Variants in ZC2HC1A observed in about 807,000 individuals in gnomAD.
The protein encoded by ZC2HC1A is zinc finger C2HC domain-containing protein 1A.
ZC2HC1A carries 28 observed loss-of-function variants against 40.7 expected under a neutral mutation model. The ratio of observed to expected loss-of-function variants is 0.69; its 90% CI spans 0.51 to 0.94. The LOEUF is 0.94. ZC2HC1A is among the 40% of genes least tolerant of loss of function. The pLI is 0.00. For synonymous variants in ZC2HC1A, 129 were observed against 129.2 expected (o/e 1.00, Z 0.01); for missense variants, 389 against 386.3 (o/e 1.01, Z -0.06).
At chr8:78,669,752 T>C (rs902527192) in intron 1 of ZC2HC1A, among the ~76,000 whole-genome samples, 3 of 152,232 alleles carry the variant, frequency 2.0e-5, no homozygotes, top group Admixed American at 1.3e-4. Context: ...CTTACTTTGT[T>C]CTACCTTCAT....
chr8:78,666,228 G>A (rs1394741291), intron 1 of ZC2HC1A, 64 bp downstream of exon 1: 3 of 1,553,010 alleles, frequency 1.9e-6, no homozygotes, highest in South Asian at 2.4e-5. Flanking sequence ...GGGGACCCTG[G>A]ACACCAGTAG....
intron 7 of ZC2HC1A, among the ~76,000 whole-genome samples, chr8:78,707,974 T>G (rs1330422967): frequency 6.6e-6 from 1 of 152,100 alleles, no homozygotes; most frequent in Non-Finnish European, 1.5e-5. Flanking sequence ...TCTAGCAGAA[T>G]GCCTAGGCTA....
chr8:78,694,737 T>TTCATTAG (rs1810343200), intron 5 of ZC2HC1A, among the ~76,000 whole-genome samples: 1 of 152,172 alleles, frequency 6.6e-6, no homozygotes, highest in African/African-American at 2.4e-5. Context: ...TTTTTCCAAT[T>TTCATTAG]TCATTAGTCA....
chr8:78,679,898 A>C (rs1037673232), intron 3 of ZC2HC1A, among the ~76,000 whole-genome samples: 9 of 152,308 alleles, frequency 5.9e-5, no homozygotes, highest in African/African-American at 1.9e-4. Context: ...CGTTTTTCTT[A>C]GTTACCTGCT....
At chr8:78,671,588 A>G (rs1444942696) in intron 1 of ZC2HC1A, among the ~76,000 whole-genome samples, 1 of 152,186 alleles carries the variant, frequency 6.6e-6, no homozygotes, top group African/African-American at 2.4e-5. Context: ...TATATGTAAT[A>G]ATTGATCCTC....
intron 8 of ZC2HC1A, among the ~76,000 whole-genome samples, chr8:78,716,463 G>A (rs1009371621): frequency 6.6e-6 from 1 of 152,026 alleles, no homozygotes; most frequent in East Asian, 1.9e-4. Flanking sequence ...CTCCCTGTGA[G>A]TGCATGCATA....
intron 7 of ZC2HC1A, among the ~76,000 whole-genome samples, chr8:78,709,634 C>A (rs1014798389): frequency 2.0e-5 from 3 of 151,422 alleles, no homozygotes; most frequent in African/African-American, 7.3e-5. Flanking sequence ...GGTGTTCAAT[C>A]TTTTGGCTTC....
chr8:78,673,585 C>A (rs926972364), intron 1 of ZC2HC1A, among the ~76,000 whole-genome samples: 1 of 152,150 alleles, frequency 6.6e-6, no homozygotes, highest in African/African-American at 2.4e-5. Context: ...CTGTTGTTTC[C>A]TGACTTTTTA....
At chr8:78,696,428 A>T (rs565820376) in intron 5 of ZC2HC1A, among the ~76,000 whole-genome samples, 1 of 152,288 alleles carries the variant, frequency 6.6e-6, no homozygotes, top group Admixed American at 6.5e-5. Flanking sequence ...TGGTTGAAGC[A>T]TTGGGCTAGA....
At chr8:78,666,247 C>G in intron 1 of ZC2HC1A, 83 bp downstream of exon 1, 1 of 1,542,594 alleles carries the variant, frequency 6.5e-7, no homozygotes. Flanking sequence ...AGCAGGAAGG[C>G]GAGGGCTGGT....
rs1392850031 is a variant in ZC2HC1A, at chr8:78,717,925, CATA to C, written c.*433_*435del. The C allele has an allele frequency of 6.5e-6, 1 of 154,584 alleles. No homozygotes were observed. Among genetic ancestry groups the C allele is most frequent in the African/African-American group, 2.4e-5 (1 of 41,376 alleles). The allele number at this position is 154,584 out of a possible 1,614,324, so 9.6% of individuals were successfully genotyped here. On this transcript the variant is annotated 3_prime_UTR_variant, in exon 9 of 9. Transcript: ENST00000263849. ...ATTGGTGCCTATCTTCAGATAGTAT[CATA>C]GTAGGATAGATGCTGGGAATTTTGT...
intron 5 of ZC2HC1A, 74 bp downstream of exon 5, chr8:78,689,447 T>A (rs1810136347): frequency 7.2e-7 from 1 of 1,381,572 alleles, no homozygotes; most frequent in Admixed American, 2.6e-5. Flanking sequence ...GTTTATGCTT[T>A]TCATGACATT....
Position 78,686,466 on chromosome 8 carries a change from G to A in ZC2HC1A, c.211-1G>A. 1 of 1,360,258 alleles carries A rather than the reference G, an allele frequency of 7.4e-7. No individual in the cohort carries two copies. The highest frequency in any genetic ancestry group is 9.7e-7 in the Non-Finnish European group (1 of 1,031,242). 84.3% of individuals were successfully genotyped at this position (1,360,258 alleles called of 1,614,324 possible). ...TTATTTATTTATTTATTTATTTATAGCCAGAACCACCAAAGAAACCATCTA... is the reference window on the plus strand; with the variant it reads ...TTATTTATTTATTTATTTATTTATAACCAGAACCACCAAAGAAACCATCTA... On this transcript the variant is annotated splice_acceptor_variant, in intron 3 of 8. Coordinates refer to ENST00000263849, the MANE Select transcript of ZC2HC1A (RefSeq NM_016010.3). LOFTEE classifies it high-confidence loss of function.
intron 3 of ZC2HC1A, among the ~76,000 whole-genome samples, chr8:78,684,773 A>G (rs1425648308): frequency 1.3e-5 from 2 of 152,202 alleles, no homozygotes; most frequent in Admixed American, 1.3e-4. Context: ...AACACAAAGT[A>G]TGAAATATTT....
At chr8:78,700,531 G>T (rs1246692084) in intron 7 of ZC2HC1A, among the ~76,000 whole-genome samples, 1 of 151,996 alleles carries the variant, frequency 6.6e-6, no homozygotes, top group African/African-American at 2.4e-5. Context: ...TTGTCAATTT[G>T]TGTTTTTGTT....
intron 1 of ZC2HC1A, among the ~76,000 whole-genome samples, chr8:78,673,524 T>A (rs534408067): frequency 2.0e-4 from 30 of 152,186 alleles, no homozygotes; most frequent in Non-Finnish European, 3.7e-4. Context: ...TAATTTACAC[T>A]CCTACCAACA....
intron 3 of ZC2HC1A, among the ~76,000 whole-genome samples, chr8:78,683,278 T>C (rs1809849614): frequency 6.6e-6 from 1 of 152,246 alleles, no homozygotes; most frequent in Non-Finnish European, 1.5e-5. Flanking sequence ...TGCAGTGCCC[T>C]AGCAGAGGTT....
intron 2 of ZC2HC1A, chr8:78,676,069 G>A (rs909595907): frequency 2.8e-6 from 1 of 355,686 alleles, no homozygotes; most frequent in African/African-American, 2.1e-5. Flanking sequence ...GAACTCTTCT[G>A]TTAAAGTTTA....
intron 1 of ZC2HC1A, among the ~76,000 whole-genome samples, chr8:78,669,947 ATTTCTTTC>A (rs1012478234): frequency 8.4e-5 from 12 of 142,866 alleles, no homozygotes; most frequent in African/African-American, 2.3e-4. Context: ...GAATGAATGT[ATTTCTTTC>A]TTTCTTTCTT....
Sources: gnomAD v4.1 joint callset for allele counts (sites outside exome capture counted in the v4.1 genomes callset) on GRCh38, gnomAD v4.1.1 for gene constraint, MANE v1.5 for transcripts, NCBI Gene and HGNC (gene_info 2026-07-23, HGNC 2026-07-21) for gene names.